FMN1: variants seen among roughly 807,000 people sequenced by gnomAD.
FMN1 encodes the protein formin-1.
FMN1 carries 110 observed loss-of-function variants against 132.4 expected under a neutral mutation model. The observed-to-expected ratio is 0.83, with a 90% confidence interval of 0.71 to 0.97. FMN1 has a LOEUF of 0.97. Among genes scored for constraint, FMN1 ranks in the 50% least tolerant of loss-of-function variants. The pLI, the probability that FMN1 is intolerant of heterozygous loss-of-function variation, is 0.00. For synonymous variants in FMN1, 722 were observed against 651.7 expected (o/e 1.11, Z -1.64); for missense variants, 1,792 against 1,705.3 (o/e 1.05, Z -0.90).
chr15:33,136,112 C>T (rs1432253954), intron 4 of FMN1, among the ~76,000 whole-genome samples: 1 of 152,204 alleles, frequency 6.6e-6, no homozygotes, highest in African/African-American at 2.4e-5. Context: ...AAGTTCAGAG[C>T]AGATGGCTTC....
chr15:33,095,178 T>C (rs1469260637), intron 4 of FMN1, among the ~76,000 whole-genome samples: 1 of 151,922 alleles, frequency 6.6e-6, no homozygotes, highest in Middle Eastern at 3.2e-3. Flanking sequence ...CAAAACCCCA[T>C]CTCTACTGAA....
intron 6 of FMN1, among the ~76,000 whole-genome samples, chr15:33,030,088 G>A (rs2035865515): frequency 6.6e-6 from 1 of 152,202 alleles, no homozygotes; most frequent in African/African-American, 2.4e-5. Context: ...AACCCGGGAG[G>A]CAAAGCTTGC....
chr15:33,014,805 C>T (rs2034943029), intron 6 of FMN1, among the ~76,000 whole-genome samples: 2 of 152,184 alleles, frequency 1.3e-5, no homozygotes, highest in African/African-American at 4.8e-5. Flanking sequence ...TTGTGCCCTC[C>T]AATTTGTGAA....
At chr15:32,945,498 T>TCA (rs1392438469) in intron 9 of FMN1, among the ~76,000 whole-genome samples, 2 of 152,184 alleles carry the variant, frequency 1.3e-5, no homozygotes, top group Non-Finnish European at 2.9e-5. Context: ...CAACCCAGTC[T>TCA]CACACACGTA....
chr15:32,888,273 C>T lies in FMN1; in HGVS notation c.3734G>A (p.Ser1245Asn). Reference sequence around the variant, plus strand: ...CTGTGGTTCCGGCAAGGGGAAAACACTCTTTTCTGTTCCAGCTTCCTAAGA... The same window carrying T: ...CTGTGGTTCCGGCAAGGGGAAAACATTCTTTTCTGTTCCAGCTTCCTAAGA... ...YYDQEAGTEK[S>N]VFPLPEPQDF... The change falls in exon 16 of 21, where the codon AGT becomes AAT. Residue 1245 changes from serine (S) to asparagine (N), a missense_variant. Transcript: ENST00000616417. 1.2e-6 allele frequency: 2 copies of T among 1,612,288 alleles called. No homozygotes were observed. The highest frequency in any genetic ancestry group is 1.7e-6 in the Non-Finnish European group (2 of 1,179,214).
intron 9 of FMN1, among the ~76,000 whole-genome samples, chr15:32,931,206 G>GT (rs1387014223): frequency 2.0e-5 from 3 of 152,092 alleles, no homozygotes; most frequent in African/African-American, 7.2e-5. Context: ...TTTTAGGATT[G>GT]TTTTTTCCTA....
chr15:32,905,999 T>A (rs977699371), intron 12 of FMN1, among the ~76,000 whole-genome samples: 1 of 152,204 alleles, frequency 6.6e-6, no homozygotes, highest in Non-Finnish European at 1.5e-5. Context: ...ACGAAGCCAT[T>A]ACAATGACCA....
chr15:32,838,606 G>A (rs777521071), intron 17 of FMN1, among the ~76,000 whole-genome samples: 4 of 152,216 alleles, frequency 2.6e-5, no homozygotes, highest in Non-Finnish European at 5.9e-5. Context: ...CGCTTAAAGC[G>A]GGAGGGCAAA....
intron 5 of FMN1, 127 bp downstream of exon 5, chr15:33,088,672 A>G (rs924963561): frequency 1.0e-5 from 9 of 861,236 alleles, no homozygotes; most frequent in Non-Finnish European, 1.3e-5. Flanking sequence ...CAGCCCACTG[A>G]TTTTTTTTAA....
intron 8 of FMN1, among the ~76,000 whole-genome samples, chr15:32,968,072 G>A (rs2031411482): frequency 2.0e-5 from 3 of 152,164 alleles, no homozygotes; most frequent in African/African-American, 4.8e-5. Flanking sequence ...TATACAAATG[G>A]AAGATGCTTT....
At chr15:33,120,339 T>TC (rs1962432137) in intron 4 of FMN1, among the ~76,000 whole-genome samples, 1 of 152,126 alleles carries the variant, frequency 6.6e-6, no homozygotes, top group Non-Finnish European at 1.5e-5. Flanking sequence ...GCTGACCCTT[T>TC]CCAAGGGCCA....
Position 32,902,021 on chromosome 15 carries a change from G to C in FMN1, c.3397C>G (p.Gln1133Glu), listed in dbSNP as rs1567358755. 1.1e-5 allele frequency: 18 copies of C among 1,609,450 alleles called. No homozygotes were observed. The highest frequency in any genetic ancestry group is 1.5e-5 in the Non-Finnish European group (18 of 1,178,472). Residue 1133 changes from glutamine (Q) to glutamate (E), a missense_variant, in exon 13 of 21, where the codon CAG becomes GAG. Physicochemically the swap from Gln to Glu is conservative, Grantham distance 29. Around this residue, in one of 3 missense-constraint regions of FMN1, gnomAD observed 1,150 missense variants for 1,043.1 expected, o/e 1.10. Transcript: ENST00000616417. ...KPEQFLHELA[Q>E]IPNFAERAQC... ...GCACGTTCAGCAAAATTAGGAATCT[G>C]GGCTAACTCATGTAAAAATCTGTAA...
At chr15:32,871,859 C>G (rs940885534) in intron 16 of FMN1, among the ~76,000 whole-genome samples, 9 of 152,126 alleles carry the variant, frequency 5.9e-5, no homozygotes, top group Non-Finnish European at 1.2e-4. Context: ...CATGTAGGGA[C>G]TACGGTCATC....
intron 19 of FMN1, among the ~76,000 whole-genome samples, chr15:32,792,044 C>T (rs1243706424): frequency 6.6e-6 from 1 of 151,924 alleles, no homozygotes; most frequent in Non-Finnish European, 1.5e-5. Context: ...AAGGCCCACA[C>T]TTAAGGAACA....
chr15:32,946,780 T>C (rs1216756628), intron 9 of FMN1, among the ~76,000 whole-genome samples: 2 of 152,194 alleles, frequency 1.3e-5, no homozygotes, highest in African/African-American at 2.4e-5. Flanking sequence ...AGAGGCATCC[T>C]GCGTTGGTGG....
intron 8 of FMN1, among the ~76,000 whole-genome samples, chr15:32,966,265 G>A (rs1023711305): frequency 1.3e-5 from 2 of 151,664 alleles, no homozygotes; most frequent in African/African-American, 4.8e-5. Context: ...GGAGTCAACC[G>A]TGATCAGTTT....
chr15:33,150,587 G>C (rs1012918644), intron 4 of FMN1: 2 of 985,356 alleles, frequency 2.0e-6, no homozygotes, highest in Non-Finnish European at 2.4e-6. Flanking sequence ...GGTAATGTCA[G>C]CTTTAACTGC....
At position 32,964,016 on chromosome 15, in the gene FMN1, T is replaced by TATATACACACAC. The variant is rs1555505892; in HGVS notation, c.3138+90_3138+91insGTGTGTGTATAT. On this transcript the variant is annotated intron_variant, in intron 9 of 20. Transcript: ENST00000616417. ...GGTATGTGTGTGTGTGTATATACGATACACACACACACACACACACACACA... is the reference window on the plus strand; with the variant it reads ...GGTATGTGTGTGTGTGTATATACGATATATACACACACACACACACACACACACACACACACA... 522 of 508,284 alleles carry TATATACACACAC rather than the reference T, an allele frequency of 1.0e-3. 2 individuals are homozygous for TATATACACACAC. Among genetic ancestry groups the TATATACACACAC allele is most frequent in the African/African-American group, 6.7e-3 (326 of 48,318 alleles). The allele number at this position is 508,284 out of a possible 1,614,324, so 31.5% of individuals were successfully genotyped here.
intron 4 of FMN1, among the ~76,000 whole-genome samples, chr15:33,091,439 T>C (rs1219489929): frequency 6.6e-6 from 1 of 152,248 alleles, no homozygotes; most frequent in Non-Finnish European, 1.5e-5. Flanking sequence ...GAAATGGTTT[T>C]AGTTTTAAAG....
Sources: gnomAD v4.1 joint callset for allele counts (sites outside exome capture counted in the v4.1 genomes callset) on GRCh38, gnomAD v4.1.1 for gene constraint, gnomAD v4.1.1 regional missense constraint, MANE v1.5 for transcripts, NCBI Gene and HGNC (gene_info 2026-07-23, HGNC 2026-07-21) for gene names.